TPST1: variants seen among roughly 807,000 people sequenced by gnomAD.
The protein encoded by TPST1 is tyrosylprotein sulfotransferase 1, also known as protein-tyrosine sulfotransferase 1.
TPST1 carries 20 observed loss-of-function variants against 34.8 expected under a neutral mutation model. That is an observed-to-expected ratio of 0.57 (90% CI 0.40 to 0.84). The LOEUF is 0.84. Ranked by LOEUF, TPST1 falls within the 40% of genes least tolerant of loss-of-function variation. The probability of loss-of-function intolerance (pLI) is 0.00; values close to 1 mark genes in which losing one functional copy is unlikely to be tolerated. For missense variants in TPST1, 353 were observed against 455.5 expected (o/e 0.78, Z 2.05); for synonymous variants, 152 against 159.4 (o/e 0.95, Z 0.35).
intron 1 of TPST1, among the ~76,000 whole-genome samples, chr7:66,214,853 T>G (rs1030305410): frequency 6.1e-5 from 9 of 148,042 alleles, no homozygotes; most frequent in Non-Finnish European, 1.2e-4. Flanking sequence ...TAATATGCAT[T>G]TAATATGTTT....
intron 2 of TPST1, among the ~76,000 whole-genome samples, chr7:66,273,350 C>T (rs1790741552): frequency 6.6e-6 from 1 of 152,106 alleles, no homozygotes; most frequent in Non-Finnish European, 1.5e-5. Flanking sequence ...GCCACACTAC[C>T]TAAAATGATC....
chr7:66,243,610 A>ATTTTT (rs10627680), intron 2 of TPST1, among the ~76,000 whole-genome samples: 18 of 123,376 alleles, frequency 1.5e-4, no homozygotes, highest in East Asian at 4.6e-4. Context: ...TGCCCAGCTA[A>ATTTTT]TTTTTTTTTT....
At chr7:66,295,016 G>A (rs912718201) in intron 3 of TPST1, among the ~76,000 whole-genome samples, 5 of 152,106 alleles carry the variant, frequency 3.3e-5, no homozygotes, top group Admixed American at 1.3e-4. Flanking sequence ...CCTGGTAGAT[G>A]TTCTACAATT....
chr7:66,354,969 G>A (rs949349835), intron 4 of TPST1, among the ~76,000 whole-genome samples: 1 of 152,062 alleles, frequency 6.6e-6, no homozygotes, highest in Non-Finnish European at 1.5e-5. Context: ...CTGCAGCCTG[G>A]GCAGTCAATC....
At chr7:66,316,127 T>A (rs975442511) in intron 3 of TPST1, among the ~76,000 whole-genome samples, 4 of 151,208 alleles carry the variant, frequency 2.6e-5, no homozygotes, top group African/African-American at 4.9e-5. Context: ...AAAAAAAAAA[T>A]TCTGATTTCA....
intron 3 of TPST1, among the ~76,000 whole-genome samples, chr7:66,327,094 A>G (rs755180034): frequency 5.9e-5 from 9 of 152,212 alleles, no homozygotes; most frequent in African/African-American, 9.7e-5. Flanking sequence ...TTGTGTAATC[A>G]TATCTGGCTG....
intron 2 of TPST1, among the ~76,000 whole-genome samples, chr7:66,276,753 G>C (rs1258857245): frequency 6.6e-6 from 1 of 151,570 alleles, no homozygotes; most frequent in Non-Finnish European, 1.5e-5. Flanking sequence ...CATTTTCTCA[G>C]TGTCTTTTAG....
At chr7:66,238,264 AC>A (rs1789951809) in intron 1 of TPST1, among the ~76,000 whole-genome samples, 1 of 152,004 alleles carries the variant, frequency 6.6e-6, no homozygotes, top group African/African-American at 2.4e-5. Context: ...GTTTCTTCAG[AC>A]CCCTAATAAA....
intron 2 of TPST1, among the ~76,000 whole-genome samples, chr7:66,260,678 G>A (rs941752437): frequency 1.3e-5 from 2 of 152,030 alleles, no homozygotes; most frequent in East Asian, 1.9e-4. Flanking sequence ...GGATATTTTT[G>A]TAGTTCTGCA....
intron 3 of TPST1, among the ~76,000 whole-genome samples, chr7:66,317,768 G>T (rs1035505943): frequency 2.0e-5 from 3 of 151,704 alleles, no homozygotes; most frequent in Middle Eastern, 3.2e-3. Context: ...TTGTGCTTTT[G>T]TGGACTGTTT....
rs1792456013 is a variant in TPST1 at position 66,350,544 on chromosome 7, A to G, written c.1045-1961A>G. Among the ~76,000 whole-genome samples, 6 of 152,282 alleles carry G rather than the reference A, an allele frequency of 3.9e-5. No individual in the cohort carries two copies. In the South Asian group the frequency reaches 1.2e-3, roughly 32 times the overall value. On this transcript the variant is annotated intron_variant, in intron 3 of 5. Coordinates refer to ENST00000304842, the MANE Select transcript of TPST1 (RefSeq NM_003596.4). ...ACTGTAACGGAGAACAAAAAAAAAA[A>G]ATAGACCAAGTTTTAGGCATTGCAG...
intron 2 of TPST1, among the ~76,000 whole-genome samples, chr7:66,268,260 C>A (rs753393418): frequency 6.6e-6 from 1 of 152,276 alleles, no homozygotes; most frequent in Non-Finnish European, 1.5e-5. Context: ...GCCAAGGTGG[C>A]TACTTTTTAA....
intron 1 of TPST1, among the ~76,000 whole-genome samples, chr7:66,225,407 T>C (rs981131236): frequency 1.4e-5 from 2 of 139,976 alleles, no homozygotes; most frequent in Admixed American, 1.4e-4. Flanking sequence ...AGATCAGGAG[T>C]TCAAGGCCAG....
chr7:66,306,588 A>G (rs1230992230), intron 3 of TPST1, among the ~76,000 whole-genome samples: 1 of 152,198 alleles, frequency 6.6e-6, no homozygotes, highest in Non-Finnish European at 1.5e-5. Flanking sequence ...GAAAAACTTG[A>G]TGAGAAAAAA....
rs114758843 is a variant in TPST1, at chr7:66,207,472, A to G, written c.-102+1950A>G. Among the ~76,000 whole-genome samples the G allele has an allele frequency of 1.4e-3, 217 of 152,220 alleles. 2 individuals are homozygous for G. Among genetic ancestry groups the G allele is most frequent in the African/African-American group, 5.1e-3 (212 of 41,520 alleles). ...AAGCTAACGTCTTTGATCTCTTCCC[A>G]TATTATTATTTTTTCTGTTGGATGG... On this transcript the variant is annotated intron_variant, in intron 1 of 5. Transcript: ENST00000304842.
rs983056403 is a variant in TPST1 at position 66,317,510 on chromosome 7, G to A, written c.1044+30801G>A. 2.0e-5 allele frequency among the ~76,000 whole-genome samples: 3 copies of A among 151,794 alleles called. No homozygotes were observed. In the South Asian group the frequency reaches 6.2e-4, roughly 32 times the overall value. On this transcript the variant is annotated intron_variant, in intron 3 of 5. Coordinates refer to ENST00000304842, the MANE Select transcript of TPST1 (RefSeq NM_003596.4). ...AGCCTATTTAAAAACTATTTTGTTT[G>A]ATACTAATATAGCTATCCCCAATAT...
intron 1 of TPST1, among the ~76,000 whole-genome samples, chr7:66,238,957 C>T (rs1789967960): frequency 6.6e-6 from 1 of 152,216 alleles, no homozygotes; most frequent in African/African-American, 2.4e-5. Flanking sequence ...AGTGTACCTG[C>T]AGCATGGAGT....
intron 1 of TPST1, among the ~76,000 whole-genome samples, chr7:66,221,445 A>G (rs1248555405): frequency 6.6e-6 from 1 of 152,158 alleles, no homozygotes; most frequent in Non-Finnish European, 1.5e-5. Context: ...CAATGGAGGA[A>G]AGGGAAGAGT....
At chr7:66,250,577 T>C (rs975796141) in intron 2 of TPST1, among the ~76,000 whole-genome samples, 3 of 152,172 alleles carry the variant, frequency 2.0e-5, no homozygotes, top group African/African-American at 7.2e-5. Flanking sequence ...AATGATAATA[T>C]GTTAGATCCC....
Sources: allele counts gnomAD v4.1 joint callset (sites outside exome capture counted in the v4.1 genomes callset), GRCh38; gene constraint gnomAD v4.1.1; transcripts MANE v1.5; gene names NCBI Gene and HGNC (gene_info 2026-07-23, HGNC 2026-07-21).